Variants in CCDC38 observed in about 807,000 individuals in gnomAD.
CCDC38 encodes the protein coiled-coil domain-containing protein 38.
Under a neutral mutation model 72.8 loss-of-function variants are expected in CCDC38, and 69 were observed. That is an observed-to-expected ratio of 0.95 (90% CI 0.78 to 1.16). The LOEUF is 1.16. Ranked by LOEUF, CCDC38 falls within the 50% of genes most tolerant of loss-of-function variation. The probability of loss-of-function intolerance (pLI) is 0.00; values close to 1 mark genes in which losing one functional copy is unlikely to be tolerated. For missense variants in CCDC38, 626 were observed against 638.9 expected (o/e 0.98, Z 0.22); for synonymous variants, 201 against 213.2 (o/e 0.94, Z 0.50).
chr12:95,880,153 A>G (rs912758986), intron 11 of CCDC38, among the ~76,000 whole-genome samples: 2 of 152,202 alleles, frequency 1.3e-5, no homozygotes, highest in Non-Finnish European at 2.9e-5. Context: ...TTTTCTCCCC[A>G]CATTTTAATT....
At chr12:95,882,621 T>C (rs1449915055) in intron 10 of CCDC38, among the ~76,000 whole-genome samples, 1 of 152,182 alleles carries the variant, frequency 6.6e-6, no homozygotes, top group Non-Finnish European at 1.5e-5. Context: ...CAGTCCACCC[T>C]TCTCTGCTCT....
In CCDC38 at chr12:95,895,157, G is replaced by A. The variant is rs988605857; in HGVS notation, c.615-11C>T. 6.3e-7 allele frequency: 1 copy of A among 1,593,340 alleles called. No individual in the cohort carries two copies. The highest frequency in any genetic ancestry group is 1.8e-5 in the Admixed American group (1 of 55,434). The stretch of plus-strand genomic sequence containing the variant: ...GTTTTTGCTATTTCACTACTCAAAA[G>A]AAACAAAGATATGATTAGGTATATC... On this transcript the variant is annotated splice_polypyrimidine_tract_variant and intron_variant, in intron 7 of 15. Transcript: ENST00000344280.
At chr12:95,886,609 G>C (rs6538679) in intron 10 of CCDC38, among the ~76,000 whole-genome samples, 70,351 of 151,966 alleles carry the variant, frequency 0.46, 16,659 homozygotes, top group African/African-American at 0.55. Context: ...TTTTCAAAAT[G>C]CAACAGTTTT....
intron 5 of CCDC38, chr12:95,903,629 C>T: frequency 1.9e-6 from 1 of 538,860 alleles, no homozygotes; most frequent in South Asian, 2.9e-5. Context: ...AGTGGTTTTT[C>T]TGCATCAATT....
intron 5 of CCDC38, among the ~76,000 whole-genome samples, chr12:95,902,195 A>T (rs530587719): frequency 2.1e-4 from 32 of 152,228 alleles, no homozygotes; most frequent in Non-Finnish European, 3.8e-4. Context: ...CATTTTCATA[A>T]TTTTTTTCTA....
chr12:95,940,562 C>CA (rs938853851), intron 1 of CCDC38, among the ~76,000 whole-genome samples: 27 of 152,282 alleles, frequency 1.8e-4, no homozygotes, highest in African/African-American at 5.8e-4. Flanking sequence ...CTCTCAGACC[C>CA]AATGCCCTTC....
At chr12:95,922,595 G>A (rs1241287818) in intron 2 of CCDC38, among the ~76,000 whole-genome samples, 1 of 152,202 alleles carries the variant, frequency 6.6e-6, no homozygotes, top group Non-Finnish European at 1.5e-5. Flanking sequence ...TAGCCAGGCC[G>A]GGAGAGTTTC....
intron 2 of CCDC38, among the ~76,000 whole-genome samples, chr12:95,927,785 C>A (rs1380467516): frequency 2.7e-5 from 4 of 150,612 alleles, no homozygotes; most frequent in African/African-American, 9.8e-5. Flanking sequence ...TTTTATTTCT[C>A]CTTCACTTAC....
intron 4 of CCDC38, among the ~76,000 whole-genome samples, chr12:95,912,874 A>G (rs2136712413): frequency 6.6e-6 from 1 of 152,254 alleles, no homozygotes; most frequent in South Asian, 2.1e-4. Flanking sequence ...AACCTGGACA[A>G]CATGGCGAAG....
chr12:95,940,969 G>A (rs890547212), intron 1 of CCDC38, among the ~76,000 whole-genome samples: 1 of 152,162 alleles, frequency 6.6e-6, no homozygotes, highest in African/African-American at 2.4e-5. Context: ...AATGTGAAAA[G>A]TATTTTATAA....
At chr12:95,867,327 G>A in intron 15 of CCDC38, 138 bp from the exon 16 acceptor site, 2 of 626,096 alleles carry the variant, frequency 3.2e-6, no homozygotes, top group Admixed American at 3.0e-5. Flanking sequence ...ACAGTTAAAA[G>A]GGACTTATAA....
At chr12:95,876,373 A>G (rs76816617) in intron 13 of CCDC38, among the ~76,000 whole-genome samples, 1 of 152,234 alleles carries the variant, frequency 6.6e-6, no homozygotes, top group Non-Finnish European at 1.5e-5. Flanking sequence ...TTGCAAAACA[A>G]CATGAATGTA....
intron 2 of CCDC38, among the ~76,000 whole-genome samples, chr12:95,923,561 C>T (rs1340019661): frequency 6.6e-5 from 10 of 151,970 alleles, no homozygotes; most frequent in African/African-American, 2.4e-4. Flanking sequence ...TATTATTATA[C>T]TTTAAGTTTT....
At chr12:95,920,942 A>G (rs531433461) in intron 2 of CCDC38, among the ~76,000 whole-genome samples, 2 of 144,996 alleles carry the variant, frequency 1.4e-5, no homozygotes, top group African/African-American at 5.0e-5. Flanking sequence ...CAGCGTGACC[A>G]ACGTGGAGAA....
At chr12:95,875,005 C>T (rs2079620794) in intron 13 of CCDC38, among the ~76,000 whole-genome samples, 1 of 152,162 alleles carries the variant, frequency 6.6e-6, no homozygotes, top group African/African-American at 2.4e-5. Context: ...ACACATTCCT[C>T]ACATTGAACA....
chr12:95,904,496 C>G (rs950038447), intron 5 of CCDC38, among the ~76,000 whole-genome samples: 1 of 152,214 alleles, frequency 6.6e-6, no homozygotes, highest in Admixed American at 6.5e-5. Flanking sequence ...TTGAAATCAT[C>G]CAAAGGAAGA....
At chr12:95,882,118 C>G (rs2079707248) in intron 10 of CCDC38, among the ~76,000 whole-genome samples, 1 of 152,170 alleles carries the variant, frequency 6.6e-6, no homozygotes, top group South Asian at 2.1e-4. Context: ...TGGAAAGTGG[C>G]TCTGGAAAAA....
At chr12:95,890,280 C>T (rs1565948404) in intron 9 of CCDC38, among the ~76,000 whole-genome samples, 1 of 152,244 alleles carries the variant, frequency 6.6e-6, no homozygotes, top group Non-Finnish European at 1.5e-5. Flanking sequence ...CCAGATAGCG[C>T]AGCCCAGTGG....
chr12:95,936,546 G>T, intron 1 of CCDC38, 23 bp from the exon 2 acceptor site: 2 of 1,601,264 alleles, frequency 1.2e-6, no homozygotes, highest in Non-Finnish European at 1.7e-6. Flanking sequence ...AAAAAAATAC[G>T]TTTTTTAAAA....
Sources: allele counts gnomAD v4.1 joint callset (sites outside exome capture counted in the v4.1 genomes callset), GRCh38; gene constraint gnomAD v4.1.1; transcripts MANE v1.5; gene names NCBI Gene and HGNC (gene_info 2026-07-23, HGNC 2026-07-21).